The following KCNIP4 variants were observed in gnomAD, a reference collection of about 807,000 sequenced individuals.
The protein encoded by KCNIP4 is Kv channel-interacting protein 4.
A neutral mutation model predicts 34.0 loss-of-function variants in KCNIP4; 12 were observed. The observed-to-expected ratio is 0.35, with a 90% CI of 0.23 to 0.57. The LOEUF is 0.57. Among genes scored for constraint, KCNIP4 ranks in the 20% least tolerant of loss-of-function variants. KCNIP4 has a pLI of 0.83. For missense variants in KCNIP4, 238 were observed against 311.7 expected, an observed-to-expected ratio of 0.76 and a Z score of 1.78; for synonymous variants, 124 against 102.2, an observed-to-expected ratio of 1.21 and a Z score of -1.29.
chr4:20,999,579 G>A (rs909592379), intron 1 of KCNIP4, among the ~76,000 whole-genome samples: 11 of 151,844 alleles, frequency 7.2e-5, no homozygotes, highest in African/African-American at 2.7e-4. Flanking sequence ...TGGGGGAAGA[G>A]GGTGGCTGGT....
intron 1 of KCNIP4, among the ~76,000 whole-genome samples, chr4:20,914,819 T>A: frequency 6.6e-6 from 1 of 152,164 alleles, no homozygotes; most frequent in South Asian, 2.1e-4. Context: ...CGAACCCTAA[T>A]TAGTTGAAAA....
chr4:21,415,934 G>A (rs530749989), intron 1 of KCNIP4, among the ~76,000 whole-genome samples: 1 of 152,198 alleles, frequency 6.6e-6, no homozygotes, highest in African/African-American at 2.4e-5. Context: ...GATAAAGCAG[G>A]TCAGTAAACC....
intron 1 of KCNIP4, among the ~76,000 whole-genome samples, chr4:21,171,148 T>G (rs1195939249): frequency 6.6e-6 from 1 of 152,214 alleles, no homozygotes; most frequent in African/African-American, 2.4e-5. Flanking sequence ...CAAAAACTTC[T>G]AATTATGCTT....
intron 5 of KCNIP4, among the ~76,000 whole-genome samples, chr4:20,736,380 C>G (rs1393168861): frequency 2.0e-5 from 3 of 151,822 alleles, no homozygotes; most frequent in African/African-American, 4.8e-5. Flanking sequence ...ATTTCTGTTG[C>G]TGTTGTAAAT....
intron 1 of KCNIP4, among the ~76,000 whole-genome samples, chr4:21,657,391 G>A (rs1748049162): frequency 6.6e-6 from 1 of 152,054 alleles, no homozygotes; most frequent in South Asian, 2.1e-4. Flanking sequence ...TCCATACTTT[G>A]TGACTGAATC....
intron 1 of KCNIP4, among the ~76,000 whole-genome samples, chr4:21,684,378 C>G (rs1750652112): frequency 6.6e-6 from 1 of 152,098 alleles, no homozygotes; most frequent in Non-Finnish European, 1.5e-5. Flanking sequence ...TAAAATTCTT[C>G]TCTACATCTT....
intron 1 of KCNIP4, among the ~76,000 whole-genome samples, chr4:21,861,874 C>A (rs1044629803): frequency 1.3e-5 from 2 of 152,124 alleles, no homozygotes; most frequent in Admixed American, 1.3e-4. Flanking sequence ...TATAACTTAT[C>A]TCACTCAGAG....
chr4:21,899,103 T>G (rs1365721084), intron 1 of KCNIP4, among the ~76,000 whole-genome samples: 3 of 152,204 alleles, frequency 2.0e-5, no homozygotes, highest in Non-Finnish European at 4.4e-5. Flanking sequence ...AAGTGGGATT[T>G]ATCCCAGGGA....
chr4:21,707,738 T>G (rs1443346518), intron 1 of KCNIP4, among the ~76,000 whole-genome samples: 2 of 152,006 alleles, frequency 1.3e-5, no homozygotes, highest in African/African-American at 4.8e-5. Context: ...ATGACTGGCA[T>G]CATGGGCTTG....
intron 1 of KCNIP4, among the ~76,000 whole-genome samples, chr4:21,117,643 T>C (rs55988252): frequency 6.6e-6 from 1 of 151,986 alleles, no homozygotes; most frequent in African/African-American, 2.4e-5. Context: ...TCTAACTCCC[T>C]TTTTCACGTG....
intron 1 of KCNIP4, among the ~76,000 whole-genome samples, chr4:21,093,735 G>A (rs1747204697): frequency 6.6e-6 from 1 of 152,072 alleles, no homozygotes; most frequent in South Asian, 2.1e-4. Flanking sequence ...AGAAAATAGA[G>A]ACCAGTGAAA....
intron 1 of KCNIP4, among the ~76,000 whole-genome samples, chr4:21,524,423 T>C (rs1735798563): frequency 6.6e-6 from 1 of 152,176 alleles, no homozygotes; most frequent in African/African-American, 2.4e-5. Flanking sequence ...AGCTCTTGCA[T>C]CTGATTTTTC....
chr4:21,424,216 A>C lies in KCNIP4; in HGVS notation c.61+524355T>G, dbSNP rs528797636. On this transcript the variant is annotated intron_variant, in intron 1 of 8. Coordinates refer to ENST00000382152, the MANE Select transcript of KCNIP4 (RefSeq NM_025221.6). ...AAGCACATTTACCTTTTGTACTAGAAAAGGCCTGGGGTCCATATCTGGACT... is the reference window on the plus strand; with the variant it reads ...AAGCACATTTACCTTTTGTACTAGACAAGGCCTGGGGTCCATATCTGGACT... 2.0e-5 allele frequency among the ~76,000 whole-genome samples: 3 copies of C among 152,212 alleles called. No individual in the cohort carries two copies. In the East Asian group the frequency reaches 5.8e-4, roughly 29 times the overall value.
At chr4:21,315,796 T>C (rs75023596) in intron 1 of KCNIP4, among the ~76,000 whole-genome samples, 1 of 152,184 alleles carries the variant, frequency 6.6e-6, no homozygotes, top group South Asian at 2.1e-4. Context: ...ACCCACTGTA[T>C]ACCTTGTTGT....
chr4:20,995,678 C>T (rs1274941120), intron 1 of KCNIP4, among the ~76,000 whole-genome samples: 1 of 152,182 alleles, frequency 6.6e-6, no homozygotes, highest in Non-Finnish European at 1.5e-5. Context: ...TATTATACTT[C>T]ATCTGTTTGA....
chr4:21,156,134 G>C (rs1753131978), intron 1 of KCNIP4, among the ~76,000 whole-genome samples: 1 of 152,160 alleles, frequency 6.6e-6, no homozygotes, highest in South Asian at 2.1e-4. Context: ...GTATTTGACA[G>C]ATGTTACAGA....
At chr4:21,713,362 A>T (rs1713892126) in intron 1 of KCNIP4, among the ~76,000 whole-genome samples, 1 of 152,212 alleles carries the variant, frequency 6.6e-6, no homozygotes, top group Non-Finnish European at 1.5e-5. Flanking sequence ...ACCATGGCAC[A>T]TCTTCTTGAA....
At chr4:21,292,089 T>C (rs16870724) in intron 1 of KCNIP4, among the ~76,000 whole-genome samples, 3,502 of 152,258 alleles carry the variant, frequency 0.023, 124 homozygotes, top group African/African-American at 0.077. Context: ...TTAAGAGAAG[T>C]CTGAGAGTTT....
chr4:21,449,498 A>G (rs927563154), intron 1 of KCNIP4, among the ~76,000 whole-genome samples: 4 of 152,054 alleles, frequency 2.6e-5, no homozygotes, highest in Non-Finnish European at 5.9e-5. Flanking sequence ...GCCACAGAAA[A>G]CTAATGCAGT....
Sources: gnomAD v4.1 joint callset for allele counts (sites outside exome capture counted in the v4.1 genomes callset) on GRCh38, gnomAD v4.1.1 for gene constraint, MANE v1.5 for transcripts, NCBI Gene and HGNC (gene_info 2026-07-23, HGNC 2026-07-21) for gene names.